Variants in CCNT2 observed in about 807,000 individuals in gnomAD.
The protein encoded by CCNT2 is cyclin-T2.
Under a neutral mutation model 70.0 loss-of-function variants are expected in CCNT2, and 18 were observed. That is an observed-to-expected ratio of 0.26 (90% CI 0.18 to 0.38). The LOEUF (loss-of-function observed/expected upper bound fraction) is 0.38, where lower values mean the gene tolerates loss of function less well. CCNT2 is among the 10% of genes least tolerant of loss of function. The pLI is 1.00. For missense variants in CCNT2, 734 were observed against 890.2 expected (o/e 0.82, Z 2.23); for synonymous variants, 334 against 313.3 (o/e 1.07, Z -0.70).
At chr2:134,931,675 G>A (rs1393519140) in intron 2 of CCNT2, among the ~76,000 whole-genome samples, 4 of 152,128 alleles carry the variant, frequency 2.6e-5, no homozygotes, top group Non-Finnish European at 5.9e-5. Context: ...TAATCTGTTC[G>A]AAGGAAAGTG....
intron 8 of CCNT2, 96 bp from the exon 9 acceptor site, chr2:134,953,134 T>C (rs568369205): frequency 1.3e-6 from 1 of 784,078 alleles, no homozygotes; most frequent in South Asian, 2.1e-5. Flanking sequence ...ATATGTTTAA[T>C]ATATAATGTT....
intron 5 of CCNT2, chr2:134,943,184 T>C: frequency 1.3e-6 from 1 of 748,994 alleles, no homozygotes; most frequent in Non-Finnish European, 1.6e-6. Flanking sequence ...GCTGATCGCT[T>C]GAGCTCAGGA....
intron 5 of CCNT2, chr2:134,945,467 C>T: frequency 4.1e-6 from 4 of 985,254 alleles, no homozygotes; most frequent in Non-Finnish European, 4.8e-6. Flanking sequence ...TCTGATCCTC[C>T]CTAGAATACC....
At chr2:134,945,185 G>T (rs2105069221) in intron 5 of CCNT2, 1 of 985,370 alleles carries the variant, frequency 1.0e-6, no homozygotes. Context: ...TCCACATGGG[G>T]CAGCAGGGAT....
At chr2:134,920,113 T>TA (rs1395996232) in intron 2 of CCNT2, 4 of 407,652 alleles carry the variant, frequency 9.8e-6, no homozygotes, top group Non-Finnish European at 1.8e-5. Flanking sequence ...CCTTTTAAGC[T>TA]AAAAAAGAAA....
chr2:134,918,935 A>C lies in CCNT2; in HGVS notation c.81A>C (p.Gly27=). 1.9e-6 allele frequency: 3 copies of C among 1,614,010 alleles called. No homozygotes were observed. Among genetic ancestry groups the C allele is most frequent in the South Asian group, 1.1e-5 (1 of 91,090 alleles). Residue 27 remains glycine (G), a synonymous_variant, in exon 1 of 9, where the codon GGA becomes GGC. Coordinates refer to ENST00000264157, the MANE Select transcript of CCNT2 (RefSeq NM_058241.3). ...QLENTPSRRC[G]VEADKELSCR... ...AGAACACGCCGAGCCGCCGCTGCGG[A>C]GTGGAGGCGGATAAAGAGCTCTCGT...
intron 2 of CCNT2, among the ~76,000 whole-genome samples, chr2:134,926,488 A>C (rs568284415): frequency 1.8e-3 from 267 of 152,244 alleles, no homozygotes; most frequent in African/African-American, 5.5e-3. Context: ...AGAACCTTGG[A>C]AGATCAATTT....
intron 5 of CCNT2, chr2:134,944,923 A>G (rs1681841198): frequency 1.0e-6 from 1 of 985,088 alleles, no homozygotes; most frequent in Non-Finnish European, 1.2e-6. Flanking sequence ...TTTTATTCGG[A>G]GGGGGAGGGG....
chr2:134,927,211 A>T (rs1559091071), intron 2 of CCNT2, among the ~76,000 whole-genome samples: 1 of 152,262 alleles, frequency 6.6e-6, no homozygotes, highest in Non-Finnish European at 1.5e-5. Context: ...ATTTTGAAAC[A>T]TGCTGCTCTT....
intron 6 of CCNT2, 83 bp downstream of exon 6, chr2:134,946,229 A>T: frequency 3.4e-6 from 5 of 1,481,366 alleles, no homozygotes; most frequent in Admixed American, 3.6e-5. Context: ...TGTGTCTCTT[A>T]CCCTTGTTGC....
At chr2:134,926,920 T>C (rs1054827476) in intron 2 of CCNT2, among the ~76,000 whole-genome samples, 1 of 152,200 alleles carries the variant, frequency 6.6e-6, no homozygotes, top group African/African-American at 2.4e-5. Context: ...TTTACCTTCA[T>C]TCAGAAGATG....
chr2:134,945,174 A>G, intron 5 of CCNT2: 1 of 985,388 alleles, frequency 1.0e-6, no homozygotes, highest in South Asian at 4.7e-5. Flanking sequence ...TATGTTGATG[A>G]TCCACATGGG....
At chr2:134,937,723 C>T (rs1437612851) in intron 3 of CCNT2, among the ~76,000 whole-genome samples, 1 of 152,080 alleles carries the variant, frequency 6.6e-6, no homozygotes, top group South Asian at 2.1e-4. Context: ...TGAGACCAGC[C>T]TGATCATATG....
chr2:134,932,500 C>G (rs1456904780), intron 2 of CCNT2, among the ~76,000 whole-genome samples: 1 of 152,138 alleles, frequency 6.6e-6, no homozygotes, highest in Non-Finnish European at 1.5e-5. Context: ...CCGTTATTAA[C>G]CCAGCTTTCT....
At position 134,958,366 on chromosome 2, in the gene CCNT2, CAG is replaced by C. The variant is rs1426067561; in HGVS notation, c.*3721_*3722del. ...AGTATTTCTAACCTGATTACTGCCT[CAG>C]AGGCTGTCTTGAAGGGAGACAGTAG... is the stretch of plus-strand genomic sequence containing the variant. On this transcript the variant is annotated 3_prime_UTR_variant, in exon 9 of 9. Coordinates refer to ENST00000264157, the MANE Select transcript of CCNT2 (RefSeq NM_058241.3). The C allele has an allele frequency of 6.6e-6, 1 of 152,198 alleles. No individual in the cohort carries two copies. The highest frequency in any genetic ancestry group is 1.5e-5 in the Non-Finnish European group (1 of 68,024). 9.4% of individuals were successfully genotyped at this position (152,198 alleles called of 1,614,324 possible).
intron 2 of CCNT2, among the ~76,000 whole-genome samples, chr2:134,933,606 A>G (rs1300382117): frequency 6.6e-6 from 1 of 152,208 alleles, no homozygotes; most frequent in Non-Finnish European, 1.5e-5. Context: ...AGTAATGTCA[A>G]ATATCATAAA....
chr2:134,946,210 C>T (rs1681954706), intron 6 of CCNT2, 64 bp downstream of exon 6: 1 of 1,545,936 alleles, frequency 6.5e-7, no homozygotes, highest in Non-Finnish European at 8.9e-7. Flanking sequence ...TAATGCAGGG[C>T]CCCCTCAATG....
At chr2:134,919,138 G>GTAATGT in intron 1 of CCNT2, 126 bp downstream of exon 1, 1 of 1,111,776 alleles carries the variant, frequency 9.0e-7, no homozygotes, top group Non-Finnish European at 1.3e-6. Flanking sequence ...GGTCAGGGAA[G>GTAATGT]TAATGTTCCG....
At chr2:134,952,767 AGCT>A in intron 8 of CCNT2, 56 bp downstream of exon 8, 2 of 1,227,500 alleles carry the variant, frequency 1.6e-6, no homozygotes, top group Non-Finnish European at 2.4e-6. Context: ...ACATTTACAT[AGCT>A]AACCAGTTTG....
Sources: allele counts gnomAD v4.1 joint callset (sites outside exome capture counted in the v4.1 genomes callset), GRCh38; gene constraint gnomAD v4.1.1; transcripts MANE v1.5; gene names NCBI Gene and HGNC (gene_info 2026-07-23, HGNC 2026-07-21).